THBS4: variants seen among roughly 807,000 people sequenced by gnomAD.
THBS4 encodes the protein thrombospondin 4.
Under a neutral mutation model 115.7 loss-of-function variants are expected in THBS4, and 90 were observed. The ratio of observed to expected loss-of-function variants is 0.78; its 90% CI spans 0.66 to 0.93. The LOEUF (loss-of-function observed/expected upper bound fraction) is 0.93. THBS4 is among the 40% of genes least tolerant of loss of function. The probability of loss-of-function intolerance (pLI) is 0.00; values close to 1 mark genes in which losing one functional copy is unlikely to be tolerated. For synonymous variants in THBS4, 460 were observed against 479.3 expected (o/e 0.96, Z 0.53); for missense variants, 1,087 against 1,232.7 (o/e 0.88, Z 1.77).
At chr5:80,000,361 C>T (rs1831874268) in intron 2 of THBS4, among the ~76,000 whole-genome samples, 1 of 152,208 alleles carries the variant, frequency 6.6e-6, no homozygotes, top group South Asian at 2.1e-4. Context: ...TTGCTTTTGA[C>T]CACAAAGTCT....
intron 21 of THBS4, 101 bp from the exon 22 acceptor site, chr5:80,082,979 G>A (rs929205035): frequency 1.0e-6 from 1 of 999,836 alleles, no homozygotes; most frequent in Non-Finnish European, 1.5e-6. Context: ...TCCTGGGCGG[G>A]CTAACAGCGC....
rs767916207 is a variant in THBS4 at position 80,070,371 on chromosome 5, C to T, written c.1413C>T (p.Pro471=). 17 of 1,613,164 alleles carry T rather than the reference C, an allele frequency of 1.1e-5. No individual in the cohort carries two copies. The highest frequency in any genetic ancestry group is 2.2e-5 in the East Asian group (1 of 44,882). The change falls in exon 11 of 22, where the codon CCC becomes CCT. Residue 471 remains proline (P), a synonymous_variant. Transcript: ENST00000350881. ...AGGATGTGGACATCGACAGTTACCCCGACGAAGAACTGCCATGCTCTGCCA... is the reference window on the plus strand; with the variant it reads ...AGGATGTGGACATCGACAGTTACCCTGACGAAGAACTGCCATGCTCTGCCA... ...CGKDVDIDSY[P]DEELPCSARN... is the part of the protein sequence containing the mutation.
chr5:80,037,391 T>C (rs1256100701), intron 1 of THBS4, among the ~76,000 whole-genome samples: 1 of 152,188 alleles, frequency 6.6e-6, no homozygotes, highest in Non-Finnish European at 1.5e-5. Flanking sequence ...TGAGCTTCAT[T>C]GTTGGTCTTA....
At chr5:79,997,974 A>G (rs1831828642) in intron 1 of THBS4, among the ~76,000 whole-genome samples, 1 of 152,230 alleles carries the variant, frequency 6.6e-6, no homozygotes, top group Non-Finnish European at 1.5e-5. Flanking sequence ...TATTAAGAGA[A>G]TGACAAGAAG....
At chr5:80,059,327 C>CA (rs34023954) in intron 5 of THBS4, 113 bp from the exon 6 acceptor site, 52,024 of 767,802 alleles carry the variant, frequency 0.068, 44 homozygotes, top group Non-Finnish European at 0.071. Context: ...GAGACTGTCT[C>CA]AAAAAAAAAA....
intron 2 of THBS4, among the ~76,000 whole-genome samples, chr5:80,013,926 A>G (rs1301149290): frequency 6.6e-6 from 1 of 152,122 alleles, no homozygotes; most frequent in African/African-American, 2.4e-5. Context: ...AGTTTACCAT[A>G]AGGTAAGAAG....
Position 80,077,062 on chromosome 5 carries a change from G to C in THBS4, c.2086+14G>C. 1.3e-6 allele frequency: 2 copies of C among 1,581,694 alleles called. No individual in the cohort carries two copies. The highest frequency in any genetic ancestry group is 2.7e-5 in the African/African-American group (2 of 74,382). ...AGGATAGCAACAGTAAGCAGGCTCA[G>C]CCCAGAGCTGCACAGCACCCCTGGG... On this transcript the variant is annotated intron_variant, in intron 16 of 21. Coordinates refer to ENST00000350881, the MANE Select transcript of THBS4 (RefSeq NM_003248.6).
At chr5:80,034,521 C>G (rs75768345), upstream of THBS4, among the ~76,000 whole-genome samples, 1 of 152,236 alleles carries the variant, frequency 6.6e-6, no homozygotes, top group East Asian at 1.9e-4. Context: ...GGGAGCTTTG[C>G]CCAGGAAAAG....
intron 8 of THBS4, among the ~76,000 whole-genome samples, chr5:80,063,535 G>C (rs557560732): frequency 2.0e-5 from 3 of 152,304 alleles, no homozygotes; most frequent in African/African-American, 7.2e-5. Context: ...AAGCTCTTGA[G>C]TTTAATTAGA....
chr5:80,041,376 T>C (rs948520350), intron 2 of THBS4, among the ~76,000 whole-genome samples: 2 of 152,178 alleles, frequency 1.3e-5, no homozygotes, highest in Non-Finnish European at 2.9e-5. Context: ...AGGAGTTCAG[T>C]ATATGAATTT....
At chr5:80,011,445 C>T (rs1312916626) in intron 2 of THBS4, among the ~76,000 whole-genome samples, 1 of 151,898 alleles carries the variant, frequency 6.6e-6, no homozygotes, top group Non-Finnish European at 1.5e-5. Context: ...CTAGCTAGCA[C>T]TAAAAGGAAG....
At chr5:80,005,041 AAAAAC>A (rs1831988246) in intron 2 of THBS4, among the ~76,000 whole-genome samples, 1 of 152,168 alleles carries the variant, frequency 6.6e-6, no homozygotes, top group Non-Finnish European at 1.5e-5. Flanking sequence ...CCCAGCCAAA[AAAAAC>A]AAAACAAAAC....
Position 80,060,808 on chromosome 5 carries a change from T to C in THBS4, c.988-887T>C, listed in dbSNP as rs570070114. On this transcript the variant is annotated intron_variant, in intron 7 of 21. Coordinates refer to ENST00000350881, the MANE Select transcript of THBS4 (RefSeq NM_003248.6). ...AATCACCAGTCCAGTTGCAAAGCAA[T>C]GTTCATAGCAGGTAGCAAGGCTGCC... Among the ~76,000 whole-genome samples the C allele has an allele frequency of 2.9e-4, 44 of 151,752 alleles. No homozygotes were observed. In the South Asian group the frequency reaches 8.9e-3, roughly 31 times the overall value.
intron 2 of THBS4, among the ~76,000 whole-genome samples, chr5:80,018,600 G>A (rs188328414): frequency 2.0e-5 from 3 of 151,784 alleles, no homozygotes; most frequent in Admixed American, 6.6e-5. Flanking sequence ...TCACCATGTT[G>A]GCCAGGCTGT....
chr5:80,003,944 C>A (rs891600044), intron 2 of THBS4, among the ~76,000 whole-genome samples: 1 of 152,174 alleles, frequency 6.6e-6, no homozygotes, highest in Non-Finnish European at 1.5e-5. Context: ...TGTAGCTGAG[C>A]ACAGCGAGGA....
intron 20 of THBS4, among the ~76,000 whole-genome samples, chr5:80,081,078 GT>G (rs1177899031): frequency 4.6e-5 from 7 of 152,072 alleles, no homozygotes; most frequent in Admixed American, 1.3e-4. Context: ...TGTAGATAGT[GT>G]TCTTCTTCAT....
At chr5:80,046,797 G>A (rs1174767882) in intron 2 of THBS4, among the ~76,000 whole-genome samples, 1 of 152,148 alleles carries the variant, frequency 6.6e-6, no homozygotes, top group Non-Finnish European at 1.5e-5. Flanking sequence ...AGTGGTTTTT[G>A]ACAGGGCTCT....
At chr5:79,996,123 T>C (rs1417516266) in intron 1 of THBS4, among the ~76,000 whole-genome samples, 1 of 151,552 alleles carries the variant, frequency 6.6e-6, no homozygotes, top group Admixed American at 6.6e-5. Flanking sequence ...GGCAACAGAG[T>C]GACTCTGTCA....
chr5:80,061,699 A>C lies in THBS4; in HGVS notation c.992A>C (p.Lys331Thr). 1 of 1,612,120 alleles carries C rather than the reference A, an allele frequency of 6.2e-7. No individual in the cohort carries two copies. The highest frequency in any genetic ancestry group is 1.7e-5 in the Admixed American group (1 of 59,562). ...TTTGAACTTTTTTGTCTCCAGTGCA[A>C]ATACCATCCCTGCTACCCGGGCGTG... Reference protein sequence around the residue: ...GITCIDVDECKYHPCYPGVHC... With the variant: ...GITCIDVDECTYHPCYPGVHC... Residue 331 changes from lysine (K) to threonine (T), a missense_variant, in exon 8 of 22, where the codon AAA (lysine) becomes ACA (threonine). Physicochemically the swap from Lys to Thr is moderately conservative, Grantham distance 78. Coordinates refer to ENST00000350881, the MANE Select transcript of THBS4 (RefSeq NM_003248.6).
Sources: gnomAD v4.1 joint callset for allele counts (sites outside exome capture counted in the v4.1 genomes callset) on GRCh38, gnomAD v4.1.1 for gene constraint, MANE v1.5 for transcripts, NCBI Gene and HGNC (gene_info 2026-07-23, HGNC 2026-07-21) for gene names.